The following RNF150 variants were observed in gnomAD, a reference collection of about 807,000 sequenced individuals.
RNF150 encodes the protein ring finger protein 150.
Under a neutral mutation model 39.3 loss-of-function variants are expected in RNF150, and 24 were observed. The ratio of observed to expected loss-of-function variants is 0.61; its 90% CI spans 0.44 to 0.86. The LOEUF (loss-of-function observed/expected upper bound fraction) is 0.86, where lower values mean the gene tolerates loss of function less well. Among genes scored for constraint, RNF150 ranks in the 40% least tolerant of loss-of-function variants. The pLI is 0.00. For synonymous variants in RNF150, 255 were observed against 227.3 expected (o/e 1.12, Z -1.10); for missense variants, 502 against 587.8 (o/e 0.85, Z 1.51).
rs1002730780 is a variant in RNF150 at position 141,174,278 on chromosome 4, T to C, written c.-6+38516A>G. 9.2e-5 allele frequency among the ~76,000 whole-genome samples: 14 copies of C among 152,194 alleles called. 1 individual carries two copies. In the South Asian group the frequency reaches 2.1e-3, roughly 23 times the overall value. ...TGTACTGTTTGAGTCTCTCTTTCTT[T>C]GTCCCTCCCTCTATCCTTCTGTCTG... On this transcript the variant is annotated intron_variant, in intron 1 of 7. Coordinates refer to the RNF150 transcript ENST00000420921.
intron 6 of RNF150, among the ~76,000 whole-genome samples, chr4:140,893,334 A>G (rs1204562219): frequency 2.0e-5 from 3 of 152,242 alleles, no homozygotes; most frequent in Non-Finnish European, 4.4e-5. Flanking sequence ...GAATGTACTG[A>G]ATAAATAAAT....
At chr4:141,030,098 G>A (rs1287040328) in intron 1 of RNF150, among the ~76,000 whole-genome samples, 1 of 152,004 alleles carries the variant, frequency 6.6e-6, no homozygotes, top group Non-Finnish European at 1.5e-5. Context: ...GGGAGGCGAG[G>A]CAGGAGAATG....
chr4:140,929,988 C>T lies in RNF150; in HGVS notation c.891-3915G>A, dbSNP rs534474073. Among the ~76,000 whole-genome samples the T allele has an allele frequency of 2.1e-3, 313 of 152,236 alleles. 2 individuals carry two copies. Among genetic ancestry groups the T allele is most frequent in the African/African-American group, 6.4e-3 (264 of 41,538 alleles). ...CTAGGCTGGCCACCGTGGCGAAACC[C>T]TGTCTCTACTAAAAATGCAAAAACT... On this transcript the variant is annotated intron_variant, in intron 4 of 6. Transcript: ENST00000515673.
At position 140,929,523 on chromosome 4, in the gene RNF150, C is replaced by T. The variant is rs554334003; in HGVS notation, c.891-3450G>A. 6.9e-4 allele frequency among the ~76,000 whole-genome samples: 105 copies of T among 151,942 alleles called. 1 individual carries two copies. The highest frequency in any genetic ancestry group is 2.6e-3 in the Admixed American group (40 of 15,254). ...CTGGGACTACAGGCACCCACCACCA[C>T]GCCCAGCTAATTTTCTGTATTTTTA... On this transcript the variant is annotated intron_variant, in intron 4 of 6. Transcript: ENST00000515673.
At chr4:141,074,893 C>G (rs1241431644) in intron 1 of RNF150, among the ~76,000 whole-genome samples, 1 of 152,196 alleles carries the variant, frequency 6.6e-6, no homozygotes, top group African/African-American at 2.4e-5. Context: ...CACACCAAAC[C>G]ACCTTCTAAA....
At chr4:140,986,916 C>T (rs752908485) in intron 1 of RNF150, among the ~76,000 whole-genome samples, 21 of 152,062 alleles carry the variant, frequency 1.4e-4, no homozygotes, top group Non-Finnish European at 2.1e-4. Context: ...TAAATGACTT[C>T]AGTAGAGTTT....
intron 1 of RNF150, among the ~76,000 whole-genome samples, chr4:141,185,310 T>C (rs1016483578): frequency 1.3e-5 from 2 of 152,172 alleles, no homozygotes; most frequent in African/African-American, 4.8e-5. Flanking sequence ...GGAAGTTCAC[T>C]CATGATTTGG....
chr4:141,193,977 C>T (rs1473760707), intron 1 of RNF150, among the ~76,000 whole-genome samples: 1 of 152,160 alleles, frequency 6.6e-6, no homozygotes, highest in Non-Finnish European at 1.5e-5. Flanking sequence ...TCTGTGTGTG[C>T]TATAAAAAGC....
chr4:141,003,873 A>C (rs1734764826), intron 1 of RNF150, among the ~76,000 whole-genome samples: 1 of 152,058 alleles, frequency 6.6e-6, no homozygotes, highest in Non-Finnish European at 1.5e-5. Context: ...TTTGACTTGG[A>C]CCATCTGAAT....
At chr4:140,884,490 G>A (rs1256246970) in intron 6 of RNF150, among the ~76,000 whole-genome samples, 1 of 152,144 alleles carries the variant, frequency 6.6e-6, no homozygotes, top group Non-Finnish European at 1.5e-5. Flanking sequence ...GATCTCTCAG[G>A]CCTTTTCTGA....
intron 1 of RNF150, among the ~76,000 whole-genome samples, chr4:141,078,926 C>T (rs1055937763): frequency 2.1e-5 from 3 of 144,100 alleles, no homozygotes; most frequent in Non-Finnish European, 4.5e-5. Flanking sequence ...CATATATATA[C>T]ATATATATAC....
intron 1 of RNF150, among the ~76,000 whole-genome samples, chr4:140,992,477 G>T (rs1054368241): frequency 6.6e-6 from 1 of 152,130 alleles, no homozygotes; most frequent in African/African-American, 2.4e-5. Flanking sequence ...TTCTTTCTGG[G>T]GCAGGCTTGG....
At chr4:141,015,104 C>T (rs1164890784) in intron 1 of RNF150, among the ~76,000 whole-genome samples, 1 of 152,112 alleles carries the variant, frequency 6.6e-6, no homozygotes, top group Non-Finnish European at 1.5e-5. Context: ...GTGTTCCTCA[C>T]CTTTGTCATA....
At chr4:141,057,141 C>T (rs538120485) in intron 1 of RNF150, among the ~76,000 whole-genome samples, 1 of 151,956 alleles carries the variant, frequency 6.6e-6, no homozygotes, top group South Asian at 2.1e-4. Flanking sequence ...CTCCACTGAC[C>T]CCAATTTTAG....
intron 1 of RNF150, among the ~76,000 whole-genome samples, chr4:141,015,511 C>T (rs1404451040): frequency 6.6e-6 from 1 of 152,006 alleles, no homozygotes; most frequent in Non-Finnish European, 1.5e-5. Flanking sequence ...AATTTTTTTG[C>T]TATTGTAAAT....
chr4:140,909,153 C>A (rs1320587513), intron 6 of RNF150, among the ~76,000 whole-genome samples: 1 of 152,160 alleles, frequency 6.6e-6, no homozygotes, highest in African/African-American at 2.4e-5. Context: ...TGACCTGAGT[C>A]AGACATTTAG....
intron 1 of RNF150, among the ~76,000 whole-genome samples, chr4:141,051,001 T>C (rs1032055723): frequency 6.6e-6 from 1 of 152,166 alleles, no homozygotes; most frequent in African/African-American, 2.4e-5. Flanking sequence ...TCCAGGTGTT[T>C]CCATACCTCC....
chr4:140,946,601 C>T (rs1438146570), intron 4 of RNF150, among the ~76,000 whole-genome samples: 1 of 152,146 alleles, frequency 6.6e-6, no homozygotes, highest in Non-Finnish European at 1.5e-5. Context: ...ATCCTCCCAG[C>T]TCATCCTCCT....
At position 141,132,886 on chromosome 4, in the gene RNF150, C is replaced by A; in HGVS notation, c.-78G>T. ...CCTCCTCCCCAGCCCCGGCCAACCCCGGGCCGCTGCCTCTCCTCCTGCTGC... is the reference window on the plus strand; with the variant it reads ...CCTCCTCCCCAGCCCCGGCCAACCCAGGGCCGCTGCCTCTCCTCCTGCTGC... On this transcript the variant is annotated 5_prime_UTR_variant, in exon 1 of 7. Transcript: ENST00000515673. The surrounding 1 kb of genome is among the most constrained non-coding windows in gnomAD (Gnocchi z 4.9). The A allele has an allele frequency of 8.0e-7, 1 of 1,248,912 alleles. No individual in the cohort carries two copies. Among genetic ancestry groups the A allele is most frequent in the South Asian group, 1.3e-5 (1 of 77,288 alleles). 77.4% of individuals were successfully genotyped at this position (1,248,912 alleles called of 1,614,324 possible).
Sources: allele counts gnomAD v4.1 joint callset (sites outside exome capture counted in the v4.1 genomes callset), GRCh38; gene constraint gnomAD v4.1.1; non-coding constraint Gnocchi (gnomAD v3.1); transcripts MANE v1.5; gene names NCBI Gene and HGNC (gene_info 2026-07-23, HGNC 2026-07-21).